The following ZAN variants were observed in gnomAD, a reference collection of about 807,000 sequenced individuals.
ZAN encodes zonadhesin (gene/pseudogene).
Under a neutral mutation model 286.2 loss-of-function variants are expected in ZAN, and 260 were observed. The observed-to-expected ratio is 0.91, with a 90% CI of 0.82 to 1.01. The LOEUF is 1.01. ZAN is among the 50% of genes least tolerant of loss of function. The pLI is 0.00. For missense variants in ZAN, 3,410 were observed against 3,639.2 expected (o/e 0.94, Z 1.62); for synonymous variants, 1,368 against 1,417.5 (o/e 0.97, Z 0.79).
In ZAN at chr7:100,751,703, T is replaced by A; in HGVS notation, c.1607-9T>A. 1 of 1,569,422 alleles carries A rather than the reference T, an allele frequency of 6.4e-7. No homozygotes were observed. Among genetic ancestry groups the A allele is most frequent in the Non-Finnish European group, 8.6e-7 (1 of 1,164,852 alleles). On this transcript the variant is annotated splice_polypyrimidine_tract_variant and intron_variant, in intron 13 of 47. Transcript: ENST00000613979. ...ACTAAACTCCAGGGATTCTTATTTT[T>A]CTTTGCAGTAAAAGTGCTACCAGAG...
chr7:100,760,978 C>T (rs1162448911), intron 19 of ZAN, among the ~76,000 whole-genome samples: 1 of 152,110 alleles, frequency 6.6e-6, no homozygotes, highest in Non-Finnish European at 1.5e-5. Flanking sequence ...CTCACTGCAA[C>T]CTCTGCCTCC....
intron 38 of ZAN, among the ~76,000 whole-genome samples, 175 bp from the exon 39 acceptor site, chr7:100,789,043 G>A (rs1004623884): frequency 3.3e-5 from 5 of 152,086 alleles, no homozygotes; most frequent in African/African-American, 1.2e-4. Flanking sequence ...GCTGGGAAGG[G>A]GGCGGACCTC....
rs1809742226 is a variant in ZAN at position 100,763,685 on chromosome 7, G to A, written c.3987-121G>A. ...TCAGTGGTCAAACATCCTCTGGGAG[G>A]GGTTTCCCAGCTGACAGGCTGGTTT... On this transcript the variant is annotated intron_variant, in intron 20 of 47. Coordinates refer to ENST00000613979, the MANE Select transcript of ZAN (RefSeq NM_003386.3). This position sits in a 1 kb window ranked among gnomAD's most constrained non-coding sequence, Gnocchi z 4.6. 1 of 938,520 alleles carries A rather than the reference G, an allele frequency of 1.1e-6. No homozygotes were observed. The allele number at this position is 938,520 out of a possible 1,614,324, so 58.1% of individuals were successfully genotyped here. A position where few individuals can be genotyped will look rare whatever the true frequency, so the allele number is the denominator to read the frequency against.
rs200335481 is a variant in ZAN, at chr7:100,784,757, G to A, written c.6757G>A (p.Gly2253Ser). 363 of 1,613,918 alleles carry A rather than the reference G, an allele frequency of 2.2e-4. No individual in the cohort carries two copies. In the African/African-American group the frequency reaches 4.1e-3, roughly 18 times the overall value. Residue 2253 changes from glycine to serine, a missense_variant, in exon 36 of 48, where the codon GGC becomes AGC. Gly to Ser is a moderately conservative substitution (Grantham distance 56). Around this residue, in one of 7 missense-constraint regions of ZAN, gnomAD observed 1,289 missense variants for 1,314.3 expected, o/e 0.98. Transcript: ENST00000613979. ...ACAEGCICQP[G>S]YVLSEDKCVP... ...CGCTGAGGGCTGCATTTGTCAGCCC[G>A]GCTATGTGCTGAGTGAAGACAAGTG...
intron 20 of ZAN, among the ~76,000 whole-genome samples, chr7:100,762,580 C>A (rs528616427): frequency 6.6e-6 from 1 of 151,812 alleles, no homozygotes; most frequent in Non-Finnish European, 1.5e-5. Context: ...CACCTGCCAC[C>A]ACACACAGCT....
chr7:100,760,377 G>A lies in ZAN; in HGVS notation c.3697-14G>A. On this transcript the variant is annotated splice_polypyrimidine_tract_variant and intron_variant, in intron 18 of 47. Transcript: ENST00000613979. ...CCAGCTCTGTCTGTCTCTTGCCTCT[G>A]CCCTGCCTTCCAGGTTGGGGGTCAG... 1 of 1,613,336 alleles carries A rather than the reference G, an allele frequency of 6.2e-7. No individual in the cohort carries two copies.
intron 45 of ZAN, among the ~76,000 whole-genome samples, chr7:100,796,961 C>T (rs1812402719): frequency 6.6e-6 from 1 of 152,048 alleles, no homozygotes; most frequent in South Asian, 2.1e-4. Flanking sequence ...CATAGCAAGA[C>T]CCCATCTCTA....
chr7:100,760,861 T>A (rs1198842836), intron 19 of ZAN, among the ~76,000 whole-genome samples: 1 of 152,040 alleles, frequency 6.6e-6, no homozygotes, highest in Non-Finnish European at 1.5e-5. Flanking sequence ...GAAGAGTGGC[T>A]CCCCAGATGG....
At chr7:100,771,649 C>A (rs1344540428) in intron 28 of ZAN, among the ~76,000 whole-genome samples, 195 bp from the exon 29 acceptor site, 1 of 152,096 alleles carries the variant, frequency 6.6e-6, no homozygotes, top group Non-Finnish European at 1.5e-5. Context: ...TCAGGCTGGT[C>A]TCAAACTCCT....
Position 100,736,433 on chromosome 7 carries a change from G to A in ZAN, c.107-50G>A, listed in dbSNP as rs190886323. The A allele has an allele frequency of 1.2e-5, 18 of 1,502,720 alleles. 1 individual carries two copies. In the East Asian group the frequency reaches 3.4e-4, roughly 29 times the overall value. 93.1% of individuals were successfully genotyped at this position (1,502,720 alleles called of 1,614,324 possible). ...ACTTCCCTCTCCCTGTGTGGCTCTG[G>A]GCCCTGCCCCTGCCCTCTCTGAAAC... is the stretch of plus-strand genomic sequence containing the variant. On this transcript the variant is annotated intron_variant, in intron 3 of 47. Coordinates refer to ENST00000613979, the MANE Select transcript of ZAN (RefSeq NM_003386.3).
Position 100,797,701 on chromosome 7 carries a change from C to T in ZAN, c.8414-6C>T, listed in dbSNP as rs1584645516. On this transcript the variant is annotated splice_region_variant and splice_polypyrimidine_tract_variant and intron_variant, in intron 47 of 47. Coordinates refer to ENST00000613979, the MANE Select transcript of ZAN (RefSeq NM_003386.3). ...CTCATACATGGTTTTCTTGCTTTCT[C>T]CTCAGATACTGTTCTGGACTGTGCC... 1 of 1,613,992 alleles carries T rather than the reference C, an allele frequency of 6.2e-7. No homozygotes were observed. Among genetic ancestry groups the T allele is most frequent in the Non-Finnish European group, 8.5e-7 (1 of 1,179,898 alleles).
At chr7:100,746,195 G>A (rs763329340) in intron 7 of ZAN, among the ~76,000 whole-genome samples, 7 of 152,100 alleles carry the variant, frequency 4.6e-5, no homozygotes, top group African/African-American at 7.2e-5. Context: ...CCATGATTGC[G>A]CCACTGCACT....
Position 100,755,319 on chromosome 7 carries a change from G to A in ZAN, c.3218G>A (p.Gly1073Asp). 6.2e-7 allele frequency: 1 copy of A among 1,613,868 alleles called. No individual in the cohort carries two copies. The highest frequency in any genetic ancestry group is 8.5e-7 in the Non-Finnish European group (1 of 1,179,880). Residue 1073 changes from glycine to aspartate, a missense_variant, in exon 15 of 48, where the codon GGC (glycine) becomes GAC (aspartate). Gly to Asp is a moderately conservative substitution (Grantham distance 94). Transcript: ENST00000613979. Reference sequence around the variant, plus strand: ...AGCTGTGGGCCCCTCTGTCGGGAGGGCTGTGTCTGCAACCCTGGCTTTTTG... The same window carrying A: ...AGCTGTGGGCCCCTCTGTCGGGAGGACTGTGTCTGCAACCCTGGCTTTTTG... ...RPSCGPLCREGCVCNPGFLFS... is the reference protein window; with the variant it reads ...RPSCGPLCREDCVCNPGFLFS...
In ZAN at chr7:100,765,476, G is replaced by A. The variant is rs368717570; in HGVS notation, c.4392G>A (p.Pro1464=). 9 of 1,613,120 alleles carry A rather than the reference G, an allele frequency of 5.6e-6. No homozygotes were observed. Among genetic ancestry groups the A allele is most frequent in the East Asian group, 4.5e-5 (2 of 44,848 alleles). ...DRCVEACECN[P]GFVLSGLECI... is the part of the protein sequence containing the mutation. Reference sequence around the variant, plus strand: ...GCGTGGAGGCCTGTGAATGCAATCCGGGCTTCGTCCTCAGTGGCCTCGAGT... The same window carrying A: ...GCGTGGAGGCCTGTGAATGCAATCCAGGCTTCGTCCTCAGTGGCCTCGAGT... Residue 1464 remains proline (P), a synonymous_variant, in exon 23 of 48, where the codon CCG becomes CCA. Coordinates refer to ENST00000613979, the MANE Select transcript of ZAN (RefSeq NM_003386.3).
chr7:100,761,340 C>CA (rs923610904), intron 19 of ZAN, among the ~76,000 whole-genome samples: 3 of 151,968 alleles, frequency 2.0e-5, no homozygotes, highest in Admixed American at 2.0e-4. Flanking sequence ...CATATCTCCA[C>CA]AAAAAAATTT....
At chr7:100,762,190 G>T (rs1265368258) in intron 19 of ZAN, 25 bp from the exon 20 acceptor site, 1 of 1,610,666 alleles carries the variant, frequency 6.2e-7, no homozygotes, top group East Asian at 2.2e-5. Flanking sequence ...CTCCATTAAC[G>T]CCAGCTCCTC....
In ZAN at chr7:100,747,634, G is replaced by A. The variant is rs375785556; in HGVS notation, c.1016G>A (p.Arg339Gln). 55 of 1,613,596 alleles carry A rather than the reference G, an allele frequency of 3.4e-5. No homozygotes were observed. The highest frequency in any genetic ancestry group is 3.2e-4 in the African/African-American group (24 of 74,886). The change falls in exon 9 of 48, where the codon CGG becomes CAG. Residue 339 changes from arginine to glutamine, a missense_variant. By Grantham distance (43) the Arg-to-Gln change is conservative. This residue lies in a region of ZAN where 872 missense variants were observed against 938.9 expected (regional missense o/e 0.93). Coordinates refer to ENST00000613979, the MANE Select transcript of ZAN (RefSeq NM_003386.3). ...AVSVNYTAVG[R>Q]IQFAVVGVFG... is the part of the protein sequence containing the mutation. Reference sequence around the variant, plus strand: ...TCTGTCAATTACACAGCCGTGGGACGGATACAGGTACAGAGAAGCAAGGGG... The same window carrying A: ...TCTGTCAATTACACAGCCGTGGGACAGATACAGGTACAGAGAAGCAAGGGG...
chr7:100,763,673 A>C lies in ZAN; in HGVS notation c.3987-133A>C. 1.2e-6 allele frequency: 1 copy of C among 855,914 alleles called. No individual in the cohort carries two copies. The highest frequency in any genetic ancestry group is 2.1e-5 in the Admixed American group (1 of 48,582). 53.0% of individuals were successfully genotyped at this position (855,914 alleles called of 1,614,324 possible). A position where few individuals can be genotyped will look rare whatever the true frequency, so the allele number is the denominator to read the frequency against. On this transcript the variant is annotated intron_variant, in intron 20 of 47. Coordinates refer to ENST00000613979, the MANE Select transcript of ZAN (RefSeq NM_003386.3). The surrounding 1 kb of genome is among the most constrained non-coding windows in gnomAD (Gnocchi z 4.6). ...CCTGGCCAGGGCTCAGTGGTCAAAC[A>C]TCCTCTGGGAGGGGTTTCCCAGCTG... is the stretch of plus-strand genomic sequence containing the variant.
chr7:100,742,752 A>T lies in ZAN; in HGVS notation c.767-3786A>T, dbSNP rs1807889218. Among the ~76,000 whole-genome samples the T allele has an allele frequency of 3.4e-5, 2 of 59,638 alleles. 1 individual carries two copies. Among genetic ancestry groups the T allele is most frequent in the African/African-American group, 1.3e-4 (2 of 15,512 alleles). 39.1% of individuals were successfully genotyped at this position (59,638 alleles called of 152,430 possible). A position where few individuals can be genotyped will look rare whatever the true frequency, so the allele number is the denominator to read the frequency against. ...GTGCCTGCAATCGCAGGCACTCGGC[A>T]GGCTGAGGCAGGAGAATCAGGCAGG... On this transcript the variant is annotated intron_variant, in intron 7 of 47. Coordinates refer to ENST00000613979, the MANE Select transcript of ZAN (RefSeq NM_003386.3).
Sources: allele counts gnomAD v4.1 joint callset (sites outside exome capture counted in the v4.1 genomes callset), GRCh38; gene constraint gnomAD v4.1.1; regional missense constraint gnomAD v4.1.1; non-coding constraint Gnocchi (gnomAD v3.1); transcripts MANE v1.5; gene names NCBI Gene and HGNC (gene_info 2026-07-23, HGNC 2026-07-21).